FAM151B: variants seen among roughly 807,000 people sequenced by gnomAD.
The protein encoded by FAM151B is family with sequence similarity 151 member B, also known as protein FAM151B.
Under a neutral mutation model 31.2 loss-of-function variants are expected in FAM151B, and 24 were observed. That is an observed-to-expected ratio of 0.77 (90% CI 0.56 to 1.08). The LOEUF (loss-of-function observed/expected upper bound fraction) is 1.08, where lower values mean the gene tolerates loss of function less well. FAM151B is among the 50% of genes least tolerant of loss of function. The pLI is 0.00. For missense variants in FAM151B, 293 were observed against 328.6 expected (o/e 0.89, Z 0.84); for synonymous variants, 105 against 111.4 (o/e 0.94, Z 0.36).
chr5:80,513,483 A>T, intron 2 of FAM151B, 121 bp from the exon 3 acceptor site: 1 of 918,832 alleles, frequency 1.1e-6, no homozygotes, highest in Non-Finnish European at 1.6e-6. Flanking sequence ...ATAATCGCTC[A>T]CTGAGTGTTA....
intron 2 of FAM151B, among the ~76,000 whole-genome samples, chr5:80,513,098 A>T (rs1305905053): frequency 6.6e-6 from 1 of 152,204 alleles, no homozygotes; most frequent in Non-Finnish European, 1.5e-5. Flanking sequence ...CCTGCTGAAC[A>T]TACTTACACC....
At chr5:80,537,838 GT>G (rs1390876666) in intron 5 of FAM151B, among the ~76,000 whole-genome samples, 3 of 151,840 alleles carry the variant, frequency 2.0e-5, no homozygotes, top group African/African-American at 7.3e-5. Context: ...AGTTTTTTGT[GT>G]GTTACTTTTT....
intron 1 of FAM151B, among the ~76,000 whole-genome samples, chr5:80,496,852 C>T (rs1455458654): frequency 1.7e-5 from 2 of 116,192 alleles, no homozygotes; most frequent in African/African-American, 6.4e-5. Context: ...GCTCTGTCAC[C>T]CAAGCCGGAG....
chr5:80,534,016 G>A (rs555322673), intron 5 of FAM151B, among the ~76,000 whole-genome samples: 3 of 152,104 alleles, frequency 2.0e-5, no homozygotes, highest in African/African-American at 7.2e-5. Flanking sequence ...AGAAGAAATG[G>A]ACAAATCCCT....
chr5:80,523,487 A>G (rs748698038), intron 5 of FAM151B, among the ~76,000 whole-genome samples: 2 of 152,182 alleles, frequency 1.3e-5, no homozygotes, highest in African/African-American at 2.4e-5. Context: ...TGTCTTACTA[A>G]TAGACGTTCA....
At chr5:80,515,304 A>G (rs565885092) in intron 3 of FAM151B, among the ~76,000 whole-genome samples, 4 of 152,294 alleles carry the variant, frequency 2.6e-5, no homozygotes, top group Non-Finnish European at 4.4e-5. Context: ...CAATGGTTCA[A>G]TTTCATTTTA....
At chr5:80,515,235 T>C (rs756212718) in intron 3 of FAM151B, among the ~76,000 whole-genome samples, 7 of 150,360 alleles carry the variant, frequency 4.7e-5, no homozygotes, top group Non-Finnish European at 7.4e-5. Context: ...AGCAAAACTC[T>C]GTCTCAAAAA....
chr5:80,501,918 G>GT lies in FAM151B; in HGVS notation c.151+2dup. The GT allele has an allele frequency of 6.3e-7, 1 of 1,598,900 alleles. No homozygotes were observed. The highest frequency in any genetic ancestry group is 1.7e-5 in the Admixed American group (1 of 58,480). ...GCACAAACAAATGAGGCACTGAAAA[G>GT]TAAGTCAGTACAGTTACTTGTAATT... On this transcript the variant is annotated splice_donor_variant, in intron 2 of 5. Transcript: ENST00000282226. LOFTEE classifies it high-confidence loss of function.
rs756746791 is a variant in FAM151B at position 80,513,666 on chromosome 5, C to A, written c.214C>A (p.Pro72Thr). The change falls in exon 3 of 6, where the codon CCA (proline) becomes ACA (threonine). Residue 72 changes from proline to threonine, a missense_variant. By Grantham distance (38) the Pro-to-Thr change is conservative (BLOSUM62 -1). Coordinates refer to ENST00000282226, the MANE Select transcript of FAM151B (RefSeq NM_205548.3). ...AAGTGATGGATCAGAACACAGCCAG[C>A]CAATTATGGCCCATCCCCCTGAAAC... ...LPSDGSEHSQ[P>T]IMAHPPETNS... is the part of the protein sequence containing the mutation. 5.0e-6 allele frequency: 8 copies of A among 1,613,970 alleles called. No homozygotes were observed. The African/African-American group carries it at 9.3e-5, about 19-fold the overall frequency.
At chr5:80,508,699 T>C (rs951653623) in intron 2 of FAM151B, among the ~76,000 whole-genome samples, 1 of 152,188 alleles carries the variant, frequency 6.6e-6, no homozygotes, top group Non-Finnish European at 1.5e-5. Context: ...CTTAAAAATA[T>C]AGTGGGCTTT....
chr5:80,520,074 CAGAT>C (rs764125262), intron 4 of FAM151B, among the ~76,000 whole-genome samples, 164 bp downstream of exon 4: 1 of 152,156 alleles, frequency 6.6e-6, no homozygotes, highest in Non-Finnish European at 1.5e-5. Flanking sequence ...TCTGCTCTTT[CAGAT>C]AGATGCCATG....
At chr5:80,492,621 T>C (rs1743372295) in intron 1 of FAM151B, among the ~76,000 whole-genome samples, 1 of 152,188 alleles carries the variant, frequency 6.6e-6, no homozygotes, top group Non-Finnish European at 1.5e-5. Flanking sequence ...TCTAAGTGTT[T>C]ATGTGAAAGG....
chr5:80,494,476 C>CTTTCTTTCTTTCT (rs1561359252), intron 1 of FAM151B, among the ~76,000 whole-genome samples: 1 of 126,558 alleles, frequency 7.9e-6, no homozygotes, highest in Admixed American at 8.2e-5. Flanking sequence ...TTCTTTCTTT[C>CTTTCTTTCTTTCT]TTTCTTTCTT....
intron 5 of FAM151B, among the ~76,000 whole-genome samples, chr5:80,540,969 T>A (rs555932384): frequency 1.3e-5 from 2 of 152,242 alleles, no homozygotes; most frequent in African/African-American, 4.8e-5. Flanking sequence ...GGAATATAAA[T>A]ATGAAACTGC....
At position 80,538,460 on chromosome 5, in the gene FAM151B, T is replaced by TTC. The variant is rs1491079264; in HGVS notation, c.672-3211_672-3210dup. Among the ~76,000 whole-genome samples, 637 of 81,858 alleles carry TTC rather than the reference T, an allele frequency of 7.8e-3. 83 individuals are homozygous for TTC. Among genetic ancestry groups the TTC allele is most frequent in the East Asian group, 0.015 (48 of 3,144 alleles). 53.7% of individuals were successfully genotyped at this position (81,858 alleles called of 152,430 possible). On this transcript the variant is annotated intron_variant, in intron 5 of 5. Transcript: ENST00000282226. ...TCTTTCTTTCTTTCTCTTTCTTTCT[T>TTC]TCTTTCTTTCTTTCTTTCTTTCTTT...
At chr5:80,523,784 G>T (rs900982340) in intron 5 of FAM151B, among the ~76,000 whole-genome samples, 3 of 152,136 alleles carry the variant, frequency 2.0e-5, no homozygotes, top group African/African-American at 7.2e-5. Flanking sequence ...ATTTGTAGAT[G>T]AATTGAGCTT....
chr5:80,502,002 A>G (rs1373140744), intron 2 of FAM151B, 85 bp downstream of exon 2: 9 of 1,078,278 alleles, frequency 8.3e-6, no homozygotes, highest in Non-Finnish European at 1.1e-5. Context: ...ATTTGCAGAT[A>G]CTAGAGACAG....
At chr5:80,524,645 C>G (rs1330723694) in intron 5 of FAM151B, among the ~76,000 whole-genome samples, 1 of 151,958 alleles carries the variant, frequency 6.6e-6, no homozygotes. Flanking sequence ...AGGAAAAGTC[C>G]ATTTATTTTT....
intron 1 of FAM151B, among the ~76,000 whole-genome samples, chr5:80,493,175 G>A (rs1415247868): frequency 1.3e-5 from 2 of 152,154 alleles, no homozygotes; most frequent in East Asian, 1.9e-4. Flanking sequence ...CAGGGACCCC[G>A]AATGAAGGGA....
Sources: gnomAD v4.1 joint callset for allele counts (sites outside exome capture counted in the v4.1 genomes callset) on GRCh38, gnomAD v4.1.1 for gene constraint, MANE v1.5 for transcripts, NCBI Gene and HGNC (gene_info 2026-07-23, HGNC 2026-07-21) for gene names.